The following CDH12 variants were observed in gnomAD, a reference collection of about 807,000 sequenced individuals.
CDH12 encodes the protein cadherin 12, also known as cadherin-12.
A neutral mutation model predicts 74.1 loss-of-function variants in CDH12; 41 were observed. The observed-to-expected ratio is 0.55, with a 90% confidence interval of 0.43 to 0.72. The LOEUF is 0.72. CDH12 is among the 30% of genes least tolerant of loss of function. The pLI is 0.00. For missense variants in CDH12, 945 were observed against 977.2 expected (o/e 0.97, Z 0.44); for synonymous variants, 399 against 355.0 (o/e 1.12, Z -1.39).
intron 3 of CDH12, among the ~76,000 whole-genome samples, chr5:22,403,374 G>T (rs1195440245): frequency 6.6e-6 from 1 of 152,138 alleles, no homozygotes; most frequent in African/African-American, 2.4e-5. Flanking sequence ...AAAGGAGTCT[G>T]CTCCAGAGAA....
intron 1 of CDH12, among the ~76,000 whole-genome samples, chr5:22,664,337 T>C (rs2126902564): frequency 6.6e-6 from 1 of 152,248 alleles, no homozygotes; most frequent in African/African-American, 2.4e-5. Context: ...GGAAACTTAC[T>C]ATCTAGGAAG....
In CDH12 at chr5:22,048,068, G is replaced by C. The variant is rs186925289; in HGVS notation, c.231+30378C>G. On this transcript the variant is annotated intron_variant, in intron 5 of 14. Coordinates refer to ENST00000382254, the MANE Select transcript of CDH12 (RefSeq NM_004061.5). ...TTGCAGGGGTAGGGGTGTGAGACAG[G>C]CTGGACAAATCATTGTACCCCTTTT... is the stretch of plus-strand genomic sequence containing the variant. 1.9e-3 allele frequency among the ~76,000 whole-genome samples: 284 copies of C among 152,242 alleles called. 1 individual carries two copies. Among genetic ancestry groups the C allele is most frequent in the Middle Eastern group, 0.014 (4 of 294 alleles).
At chr5:22,439,998 T>C (rs1373317547) in intron 2 of CDH12, among the ~76,000 whole-genome samples, 1 of 152,100 alleles carries the variant, frequency 6.6e-6, no homozygotes, top group African/African-American at 2.4e-5. Context: ...TAATTTTTAC[T>C]ATCCTCATTA....
chr5:22,595,908 T>C (rs1282734447), intron 1 of CDH12, among the ~76,000 whole-genome samples: 2 of 151,374 alleles, frequency 1.3e-5, no homozygotes, highest in Non-Finnish European at 2.9e-5. Flanking sequence ...AAACCCCGTC[T>C]CTACTAAAAA....
intron 5 of CDH12, among the ~76,000 whole-genome samples, chr5:21,993,165 G>A (rs1736053826): frequency 6.6e-6 from 1 of 152,064 alleles, no homozygotes. Context: ...TGGACATAGA[G>A]CCAAACCATA....
chr5:22,456,010 T>C (rs950381250), intron 2 of CDH12, among the ~76,000 whole-genome samples: 3 of 151,954 alleles, frequency 2.0e-5, no homozygotes, highest in Admixed American at 6.6e-5. Flanking sequence ...TGCTGCTAAA[T>C]ACTCCCGACA....
chr5:22,177,526 C>T (rs1205567015), intron 4 of CDH12, among the ~76,000 whole-genome samples: 3 of 152,078 alleles, frequency 2.0e-5, no homozygotes, highest in Admixed American at 1.3e-4. Flanking sequence ...AAAGAAAATC[C>T]ATATTCAAGC....
chr5:21,880,612 CTTCCTTCT>C (rs1462717102), intron 6 of CDH12, among the ~76,000 whole-genome samples: 45 of 69,902 alleles, frequency 6.4e-4, no homozygotes, highest in African/African-American at 1.8e-3. Flanking sequence ...TCCTTCCTTC[CTTCCTTCT>C]TTCTTTCTTT....
chr5:21,889,691 C>A (rs1421601715), intron 6 of CDH12: 12 of 984,932 alleles, frequency 1.2e-5, no homozygotes, highest in Non-Finnish European at 1.3e-5. Context: ...AAAGTATTCT[C>A]CAGTTCTTCT....
intron 5 of CDH12, among the ~76,000 whole-genome samples, chr5:22,046,280 C>T (rs1317673983): frequency 6.6e-6 from 1 of 152,032 alleles, no homozygotes; most frequent in Non-Finnish European, 1.5e-5. Context: ...ATGAAAACTG[C>T]AATAATTAAT....
At chr5:22,815,538 G>A (rs1243274936) in intron 1 of CDH12, among the ~76,000 whole-genome samples, 2 of 152,094 alleles carry the variant, frequency 1.3e-5, no homozygotes, top group Admixed American at 6.6e-5. Context: ...GGGAGGCTGA[G>A]GGGGGCGGAT....
chr5:22,051,003 A>G (rs1486449874), intron 5 of CDH12, among the ~76,000 whole-genome samples: 1 of 152,178 alleles, frequency 6.6e-6, no homozygotes, highest in Non-Finnish European at 1.5e-5. Flanking sequence ...CCCACATCCT[A>G]TGGAGACTTA....
At chr5:22,624,232 AT>A (rs775268172) in intron 1 of CDH12, among the ~76,000 whole-genome samples, 3 of 152,208 alleles carry the variant, frequency 2.0e-5, no homozygotes, top group Non-Finnish European at 4.4e-5. Flanking sequence ...AGGCAATACC[AT>A]TCAGGACGTA....
chr5:22,367,433 G>A (rs1379235368), intron 3 of CDH12, among the ~76,000 whole-genome samples: 1 of 152,070 alleles, frequency 6.6e-6, no homozygotes, highest in Admixed American at 6.6e-5. Flanking sequence ...CCCCATTTGT[G>A]TTTCCACAAA....
chr5:22,785,155 G>C (rs2055970), intron 1 of CDH12, among the ~76,000 whole-genome samples: 15,823 of 152,094 alleles, frequency 0.1, 1,108 homozygotes, highest in African/African-American at 0.2. Context: ...TACCTTTCCT[G>C]ATGCTCGCCC....
chr5:21,795,235 A>G lies in CDH12; in HGVS notation c.1256+6932T>C, dbSNP rs140572471. Among the ~76,000 whole-genome samples the G allele has an allele frequency of 7.3e-3, 1,106 of 151,174 alleles. 4 individuals are homozygous for G. Among genetic ancestry groups the G allele is most frequent in the Non-Finnish European group, 9.6e-3 (650 of 67,738 alleles). ...GATTTTTTTTAAGATAGCATTTCCT[A>G]TCAGTTAATTATTAGAGACAATTGT... On this transcript the variant is annotated intron_variant, in intron 10 of 14. Coordinates refer to ENST00000382254, the MANE Select transcript of CDH12 (RefSeq NM_004061.5).
At chr5:21,897,675 A>T (rs1294239120) in intron 6 of CDH12, among the ~76,000 whole-genome samples, 1 of 152,226 alleles carries the variant, frequency 6.6e-6, no homozygotes, top group East Asian at 1.9e-4. Context: ...AACTGCTTTT[A>T]TAGTAAGATT....
intron 6 of CDH12, among the ~76,000 whole-genome samples, chr5:21,876,587 C>G (rs2150025924): frequency 6.6e-6 from 1 of 152,296 alleles, no homozygotes; most frequent in African/African-American, 2.4e-5. Flanking sequence ...CTTATGCATT[C>G]TGCCACTACT....
rs542217676 is a variant in CDH12, at chr5:22,080,982, T to A, written c.-186-2120A>T. Among the ~76,000 whole-genome samples the A allele has an allele frequency of 5.2e-3, 792 of 152,172 alleles. 7 individuals carry two copies. Among genetic ancestry groups the A allele is most frequent in the African/African-American group, 0.017 (722 of 41,524 alleles). Reference sequence around the variant, plus strand: ...TTTTAGTAGAGACGGGGTTTCACCATGTTGGCCAGGATGATCTCGATCTCC... The same window carrying A: ...TTTTAGTAGAGACGGGGTTTCACCAAGTTGGCCAGGATGATCTCGATCTCC... On this transcript the variant is annotated intron_variant, in intron 4 of 14. Coordinates refer to ENST00000382254, the MANE Select transcript of CDH12 (RefSeq NM_004061.5).
Sources: allele counts gnomAD v4.1 joint callset (sites outside exome capture counted in the v4.1 genomes callset), GRCh38; gene constraint gnomAD v4.1.1; transcripts MANE v1.5; gene names NCBI Gene and HGNC (gene_info 2026-07-23, HGNC 2026-07-21).